CAPN2: variants seen among roughly 807,000 people sequenced by gnomAD.
The protein encoded by CAPN2 is calpain-2 catalytic subunit.
Under a neutral mutation model 102.3 loss-of-function variants are expected in CAPN2, and 92 were observed. That is an observed-to-expected ratio of 0.90 (90% CI 0.76 to 1.07). CAPN2 has a LOEUF of 1.07. Among genes scored for constraint, CAPN2 ranks in the 50% least tolerant of loss-of-function variants. CAPN2 has a pLI of 0.00. For missense variants in CAPN2, 800 were observed against 909.4 expected, an observed-to-expected ratio of 0.88 and a Z score of 1.55; for synonymous variants, 340 against 355.4, an observed-to-expected ratio of 0.96 and a Z score of 0.49.
chr1:223,737,741 T>G (rs1336126556), intron 2 of CAPN2, among the ~76,000 whole-genome samples: 4 of 127,142 alleles, frequency 3.1e-5, no homozygotes, highest in Non-Finnish European at 4.9e-5. Flanking sequence ...AATAACACCA[T>G]GTACTGTAAA....
Position 223,726,787 on chromosome 1 carries a change from G to T in CAPN2, c.307+8956G>T, listed in dbSNP as rs1303057367. Among the ~76,000 whole-genome samples, 1 of 152,122 alleles carries T rather than the reference G, an allele frequency of 6.6e-6. No homozygotes were observed. The highest frequency in any genetic ancestry group is 1.5e-5 in the Non-Finnish European group (1 of 67,998). On this transcript the variant is annotated intron_variant, in intron 2 of 20. Transcript: ENST00000295006. The surrounding 1 kb of genome is among the most constrained non-coding windows in gnomAD (Gnocchi z 4.4). ...CCTCCCAGCCCCTGATACAAATGAA[G>T]GATGATTGTACATGCATGGGGAATT...
rs1333733685 is a variant in CAPN2, at chr1:223,731,362, C to T, written c.308-12738C>T. The stretch of plus-strand genomic sequence containing the variant: ...CTCTCCAGTTCCCAATGCCCAGCCC[C>T]ACAATGCCCGTCCTGCTGCCTGCCT... On this transcript the variant is annotated intron_variant, in intron 2 of 20. Coordinates refer to ENST00000295006, the MANE Select transcript of CAPN2 (RefSeq NM_001748.5). The surrounding 1 kb of genome is among the most constrained non-coding windows in gnomAD (Gnocchi z 4.2). Among the ~76,000 whole-genome samples, 1 of 152,054 alleles carries T rather than the reference C, an allele frequency of 6.6e-6. No homozygotes were observed. Among genetic ancestry groups the T allele is most frequent in the African/African-American group, 2.4e-5 (1 of 41,380 alleles).
In CAPN2 at chr1:223,769,841, T is replaced by A; in HGVS notation, c.1756T>A (p.Ser586Thr). The A allele has an allele frequency of 6.2e-7, 1 of 1,607,910 alleles. No homozygotes were observed. The highest frequency in any genetic ancestry group is 8.5e-7 in the Non-Finnish European group (1 of 1,176,916). The change falls in exon 17 of 21, where the codon TCG (serine) becomes ACG (threonine). Residue 586 changes from serine (S) to threonine (T), a missense_variant and splice_region_variant. Ser to Thr is a moderately conservative substitution (Grantham distance 58). Coordinates refer to ENST00000295006, the MANE Select transcript of CAPN2 (RefSeq NM_001748.5). ...TCKIMVDMLD[S>T]DGSGKLGLKE... is the part of the protein sequence containing the mutation. Reference sequence around the variant, plus strand: ...AAGGGCTTTCCTTGACTGAAGGCAGTCGGACGGGAGTGGCAAGCTGGGGCT... The same window carrying A: ...AAGGGCTTTCCTTGACTGAAGGCAGACGGACGGGAGTGGCAAGCTGGGGCT...
intron 2 of CAPN2, among the ~76,000 whole-genome samples, chr1:223,742,498 G>GTA (rs1553254399): frequency 2.8e-4 from 36 of 127,260 alleles, no homozygotes; most frequent in Middle Eastern, 4.2e-3. Context: ...ATATATGTGT[G>GTA]TATATATATA....
rs777088806 is a variant in CAPN2, at chr1:223,762,303, G to T, written c.1632+52G>T. On this transcript the variant is annotated intron_variant, in intron 14 of 20. Coordinates refer to ENST00000295006, the MANE Select transcript of CAPN2 (RefSeq NM_001748.5). ...GCACTCTGGTTGATGCAAAGGAAGA[G>T]ACAGTGTGTGTCCCCAAGGGGACTT... is the stretch of plus-strand genomic sequence containing the variant. The T allele has an allele frequency of 2.9e-6, 4 of 1,386,792 alleles. No individual in the cohort carries two copies. In the South Asian group the frequency reaches 4.6e-5, roughly 16 times the overall value. 85.9% of individuals were successfully genotyped at this position (1,386,792 alleles called of 1,614,324 possible). A position where few individuals can be genotyped will look rare whatever the true frequency, so the allele number is the denominator to read the frequency against.
At chr1:223,749,233 C>A in intron 6 of CAPN2, 111 bp downstream of exon 6, 1 of 890,514 alleles carries the variant, frequency 1.1e-6, no homozygotes, top group Non-Finnish European at 1.8e-6. Context: ...GTCCAGTTTA[C>A]ACTCGGGCCC....
At chr1:223,724,787 A>G (rs1336579232) in intron 2 of CAPN2, among the ~76,000 whole-genome samples, 1 of 151,940 alleles carries the variant, frequency 6.6e-6, no homozygotes, top group Non-Finnish European at 1.5e-5. Context: ...CAAGCAACAT[A>G]ATGAGAACCC....
At chr1:223,730,230 T>C (rs1002431119) in intron 2 of CAPN2, among the ~76,000 whole-genome samples, 1 of 151,962 alleles carries the variant, frequency 6.6e-6, no homozygotes, top group Admixed American at 6.6e-5. Context: ...GAAAAAGACC[T>C]GAAGGGAAGG....
chr1:223,706,773 G>T (rs1417497049), intron 1 of CAPN2, among the ~76,000 whole-genome samples: 1 of 152,194 alleles, frequency 6.6e-6, no homozygotes, highest in Non-Finnish European at 1.5e-5. Context: ...TAAAAAGGAA[G>T]CTTTGGTTAG....
At position 223,755,998 on chromosome 1, in the gene CAPN2, G is replaced by GC. The variant is rs1219639018; in HGVS notation, c.1305+350dup. On this transcript the variant is annotated intron_variant, in intron 10 of 20. Coordinates refer to ENST00000295006, the MANE Select transcript of CAPN2 (RefSeq NM_001748.5). The surrounding 1 kb of genome is among the most constrained non-coding windows in gnomAD (Gnocchi z 4.1). ...AACAGAATATACTGGGCCACATCAG[G>GC]CAATACTGTGAGGGCAGGACTGAGT... 6.6e-6 allele frequency among the ~76,000 whole-genome samples: 1 copy of GC among 152,208 alleles called. No individual in the cohort carries two copies. Among genetic ancestry groups the GC allele is most frequent in the Non-Finnish European group, 1.5e-5 (1 of 68,036 alleles).
At chr1:223,774,758 C>T in intron 20 of CAPN2, 76 bp from the exon 21 acceptor site, 2 of 1,337,542 alleles carry the variant, frequency 1.5e-6, no homozygotes, top group South Asian at 2.4e-5. Context: ...TTTTTTGGAA[C>T]AATCTACAGG....
At chr1:223,709,220 C>T (rs909382589), upstream of CAPN2, among the ~76,000 whole-genome samples, 2 of 151,852 alleles carry the variant, frequency 1.3e-5, no homozygotes, top group Admixed American at 6.6e-5. Flanking sequence ...AGAAGTCTGA[C>T]CAAAGTTTTG....
intron 2 of CAPN2, among the ~76,000 whole-genome samples, chr1:223,719,805 C>CAT (rs1288110988): frequency 1.4e-5 from 2 of 143,658 alleles, no homozygotes; most frequent in African/African-American, 2.7e-5. Context: ...GGGGTGTGTG[C>CAT]GTGTGTGTGT....
chr1:223,746,475 C>CTTTATTTTTTTTTTTT (rs1660751069), intron 4 of CAPN2, among the ~76,000 whole-genome samples: 1 of 108,496 alleles, frequency 9.2e-6, no homozygotes, highest in African/African-American at 4.4e-5. Context: ...CTACGAGAAT[C>CTTTATTTTTTTTTTTT]TTTTTTTTTT....
At chr1:223,735,018 G>C (rs947570380) in intron 2 of CAPN2, among the ~76,000 whole-genome samples, 1 of 152,272 alleles carries the variant, frequency 6.6e-6, no homozygotes, top group African/African-American at 2.4e-5. Context: ...GCATGTGTTT[G>C]CATGTGTGCC....
intron 2 of CAPN2, among the ~76,000 whole-genome samples, chr1:223,735,384 T>C (rs1660428279): frequency 6.6e-6 from 1 of 151,866 alleles, no homozygotes; most frequent in Admixed American, 6.6e-5. Flanking sequence ...AAAAATTAGC[T>C]GGGCATGGTG....
chr1:223,731,538 A>G lies in CAPN2; in HGVS notation c.308-12562A>G, dbSNP rs1356345667. On this transcript the variant is annotated intron_variant, in intron 2 of 20. Transcript: ENST00000295006. The surrounding 1 kb of genome is among the most constrained non-coding windows in gnomAD (Gnocchi z 4.2). The stretch of plus-strand genomic sequence containing the variant: ...GACTCAAAGCCTCATGCTCACCACC[A>G]TCATCCACAACCAGTTTCCACGTCT... Among the ~76,000 whole-genome samples the G allele has an allele frequency of 2.0e-5, 3 of 151,956 alleles. No homozygotes were observed. Among genetic ancestry groups the G allele is most frequent in the Admixed American group, 6.6e-5 (1 of 15,252 alleles).
intron 2 of CAPN2, among the ~76,000 whole-genome samples, chr1:223,743,792 C>G (rs1269084853): frequency 6.6e-6 from 1 of 152,224 alleles, no homozygotes; most frequent in Non-Finnish European, 1.5e-5. Context: ...AGTTCAGCCA[C>G]CAGAGTTCTG....
At chr1:223,765,796 C>G (rs145228300) in intron 15 of CAPN2, among the ~76,000 whole-genome samples, 3 of 152,134 alleles carry the variant, frequency 2.0e-5, no homozygotes. Context: ...CTGGGCTTTT[C>G]GTGAAGTCTG....
Sources: allele counts gnomAD v4.1 joint callset (sites outside exome capture counted in the v4.1 genomes callset), GRCh38; gene constraint gnomAD v4.1.1; non-coding constraint Gnocchi (gnomAD v3.1); transcripts MANE v1.5; gene names NCBI Gene and HGNC (gene_info 2026-07-23, HGNC 2026-07-21).